The following VDR variants were observed in gnomAD, a reference collection of about 807,000 sequenced individuals.
VDR encodes the protein vitamin D3 receptor.
In VDR, 19 loss-of-function variants were observed where a neutral mutation model predicts 39.7. The observed-to-expected ratio is 0.48, with a 90% CI of 0.33 to 0.70. The LOEUF (loss-of-function observed/expected upper bound fraction) is 0.70. VDR is among the 30% of genes least tolerant of loss of function. The pLI is 0.02. For synonymous variants in VDR, 242 were observed against 215.8 expected, an observed-to-expected ratio of 1.12 and a Z score of -1.07; for missense variants, 442 against 570.5, an observed-to-expected ratio of 0.77 and a Z score of 2.29.
chr12:47,852,537 G>T (rs1323498727), intron 7 of VDR, among the ~76,000 whole-genome samples: 1 of 152,138 alleles, frequency 6.6e-6, no homozygotes, highest in African/African-American at 2.4e-5. Context: ...CTGCCAGAGG[G>T]GCCCTCGCTC....
At chr12:47,902,350 GC>G (rs1017014016) in intron 1 of VDR, among the ~76,000 whole-genome samples, 5 of 152,218 alleles carry the variant, frequency 3.3e-5, no homozygotes, top group African/African-American at 1.2e-4. Flanking sequence ...TGGCAGCCAG[GC>G]TGGCTTCAGC....
At chr12:47,896,071 C>G (rs1251380016) in intron 1 of VDR, among the ~76,000 whole-genome samples, 2 of 152,224 alleles carry the variant, frequency 1.3e-5, no homozygotes, top group Non-Finnish European at 2.9e-5. Context: ...GCAACAAGAA[C>G]CAATGAAATG....
intron 3 of VDR, among the ~76,000 whole-genome samples, chr12:47,866,263 G>A (rs553774399): frequency 3.0e-4 from 46 of 150,946 alleles, no homozygotes; most frequent in East Asian, 1.8e-3. Flanking sequence ...GCCCACCACC[G>A]CACCCGGCTA....
At chr12:47,866,079 A>G (rs903038889) in intron 3 of VDR, among the ~76,000 whole-genome samples, 1 of 151,294 alleles carries the variant, frequency 6.6e-6, no homozygotes, top group Non-Finnish European at 1.5e-5. Flanking sequence ...AAAATTAAAC[A>G]GGAAATAACA....
intron 1 of VDR, among the ~76,000 whole-genome samples, chr12:47,886,152 C>A (rs1238243515): frequency 6.6e-6 from 1 of 152,264 alleles, no homozygotes; most frequent in Non-Finnish European, 1.5e-5. Flanking sequence ...GACAATTCTT[C>A]TTCTTCCTAA....
At chr12:47,871,576 G>A (rs1471530661) in intron 3 of VDR, among the ~76,000 whole-genome samples, 2 of 150,422 alleles carry the variant, frequency 1.3e-5, no homozygotes. Flanking sequence ...CGATTCTCTT[G>A]CTTCAGCCTC....
At chr12:47,853,199 T>C (rs1034630205) in intron 7 of VDR, among the ~76,000 whole-genome samples, 5 of 152,094 alleles carry the variant, frequency 3.3e-5, no homozygotes, top group Non-Finnish European at 7.4e-5. Flanking sequence ...TCCCAGCACT[T>C]TGGGAGGCCG....
Position 47,902,605 on chromosome 12 carries a change from A to T in VDR, c.-84+2350T>A, listed in dbSNP as rs149219724. Among the ~76,000 whole-genome samples the T allele has an allele frequency of 3.3e-5, 5 of 152,318 alleles. No homozygotes were observed. In the East Asian group the frequency reaches 9.6e-4, roughly 29 times the overall value. ...TGCAGCAGGGACAAATGGAAGCTGG[A>T]GCCCTGTAATTCTTTATTCAGCAAC... On this transcript the variant is annotated intron_variant, in intron 1 of 9. Coordinates refer to ENST00000549336, the MANE Select transcript of VDR (RefSeq NM_000376.3).
At chr12:47,883,386 G>C (rs1186886235) in intron 1 of VDR, among the ~76,000 whole-genome samples, 1 of 152,162 alleles carries the variant, frequency 6.6e-6, no homozygotes, top group African/African-American at 2.4e-5. Context: ...AGGTGTTGCA[G>C]GGGTTAAATA....
chr12:47,873,114 C>CT (rs1945917260), intron 3 of VDR, among the ~76,000 whole-genome samples: 1 of 152,158 alleles, frequency 6.6e-6, no homozygotes, highest in African/African-American at 2.4e-5. Context: ...AAGGAGGGGC[C>CT]TGGTGGGACA....
At chr12:47,859,018 C>T (rs1043732606) in intron 4 of VDR, among the ~76,000 whole-genome samples, 3 of 152,208 alleles carry the variant, frequency 2.0e-5, no homozygotes, top group Admixed American at 2.0e-4. Context: ...GACTGACTCA[C>T]CTGCCCAAAC....
intron 1 of VDR, chr12:47,896,664 C>T (rs1399276441): frequency 6.6e-6 from 1 of 152,200 alleles, no homozygotes; most frequent in Non-Finnish European, 1.5e-5. Context: ...TAGTTCCACT[C>T]CATTTCCAGT....
At chr12:47,892,708 C>G (rs546321538) in intron 1 of VDR, among the ~76,000 whole-genome samples, 9 of 151,286 alleles carry the variant, frequency 5.9e-5, no homozygotes, top group African/African-American at 2.2e-4. Flanking sequence ...TACAGTCTAC[C>G]GCGGGTTGGG....
At chr12:47,878,891 C>T in intron 3 of VDR, 77 bp downstream of exon 3, 2 of 1,609,766 alleles carry the variant, frequency 1.2e-6, no homozygotes, top group Non-Finnish European at 1.7e-6. Flanking sequence ...GTGAAAAATG[C>T]AAGGGCTCCC....
intron 1 of VDR, among the ~76,000 whole-genome samples, chr12:47,887,812 C>A (rs554817948): frequency 3.6e-4 from 55 of 152,344 alleles, no homozygotes; most frequent in African/African-American, 1.2e-3. Flanking sequence ...AAGAGGCTCA[C>A]CAGTTATGAC....
intron 1 of VDR, chr12:47,896,934 C>G (rs545040781): frequency 3.3e-5 from 5 of 152,412 alleles, no homozygotes; most frequent in African/African-American, 1.2e-4. Context: ...GGAACTGCCC[C>G]ATTCACCCTC....
intron 1 of VDR, among the ~76,000 whole-genome samples, chr12:47,902,051 T>C (rs2137256171): frequency 6.6e-6 from 1 of 152,256 alleles, no homozygotes; most frequent in African/African-American, 2.4e-5. Context: ...GCATTAAGCC[T>C]CCCCCAACCT....
In VDR at chr12:47,869,226, C is replaced by T. The variant is rs374027707; in HGVS notation, c.147-4049G>A. 3.3e-5 allele frequency among the ~76,000 whole-genome samples: 5 copies of T among 152,274 alleles called. No individual in the cohort carries two copies. The East Asian group carries it at 9.6e-4, about 29-fold the overall frequency. On this transcript the variant is annotated intron_variant, in intron 3 of 9. Transcript: ENST00000549336. ...CACTCAGCCCCACTTTGCCTGACAACAGGAATGAGGCTAGGAATAGGAAGA... is the reference window on the plus strand; with the variant it reads ...CACTCAGCCCCACTTTGCCTGACAATAGGAATGAGGCTAGGAATAGGAAGA...
At chr12:47,898,863 C>T (rs1287392991) in intron 1 of VDR, 1 of 154,160 alleles carries the variant, frequency 6.5e-6, no homozygotes, top group Non-Finnish European at 1.5e-5. Context: ...CAAAGAAAAG[C>T]AAGGAAACAA....
Sources: allele counts gnomAD v4.1 joint callset (sites outside exome capture counted in the v4.1 genomes callset), GRCh38; gene constraint gnomAD v4.1.1; transcripts MANE v1.5; gene names NCBI Gene and HGNC (gene_info 2026-07-23, HGNC 2026-07-21).